Variants in VSTM5 observed in about 807,000 individuals in gnomAD.
VSTM5 encodes the protein V-set and transmembrane domain-containing protein 5.
A neutral mutation model predicts 20.3 loss-of-function variants in VSTM5; 21 were observed. The ratio of observed to expected loss-of-function variants is 1.03; its 90% CI spans 0.73 to 1.49. The LOEUF is 1.49. VSTM5 is among the 40% of genes most tolerant of loss of function. The pLI is 0.00. For synonymous variants in VSTM5, 100 were observed against 102.5 expected, an observed-to-expected ratio of 0.98 and a Z score of 0.14; for missense variants, 219 against 250.0, an observed-to-expected ratio of 0.88 and a Z score of 0.84.
intron 3 of VSTM5, 65 bp from the exon 4 acceptor site, chr11:93,820,677 A>G: frequency 6.4e-7 from 1 of 1,551,668 alleles, no homozygotes; most frequent in Admixed American, 2.0e-5. Context: ...TCGTGAGAAC[A>G]AGATAACACA....
intron 1 of VSTM5, among the ~76,000 whole-genome samples, chr11:93,831,876 G>C (rs969305716): frequency 2.0e-5 from 3 of 152,222 alleles, no homozygotes; most frequent in African/African-American, 7.2e-5. Flanking sequence ...TATCAGACTG[G>C]CAAAGATGAA....
intron 1 of VSTM5, among the ~76,000 whole-genome samples, chr11:93,846,940 T>C: frequency 6.6e-6 from 1 of 151,868 alleles, no homozygotes; most frequent in East Asian, 1.9e-4. Flanking sequence ...CTAATTTTTG[T>C]ATTTTTAGTA....
chr11:93,820,431 ATGT>A lies in VSTM5; in HGVS notation c.*135_*137del. On this transcript the variant is annotated 3_prime_UTR_variant, in exon 4 of 4. Coordinates refer to ENST00000409977, the MANE Select transcript of VSTM5 (RefSeq NM_001144871.2). ...CACAGTCCTCAACTCCATGCAGTCA[ATGT>A]TGTTAATCTCCCACTGTCCTGTTAG... 4.6e-6 allele frequency: 4 copies of A among 860,750 alleles called. No individual in the cohort carries two copies. Among genetic ancestry groups the A allele is most frequent in the Non-Finnish European group, 7.3e-6 (4 of 546,452 alleles). 53.3% of individuals were successfully genotyped at this position (860,750 alleles called of 1,614,324 possible).
At chr11:93,840,447 T>G (rs1236214208) in intron 1 of VSTM5, among the ~76,000 whole-genome samples, 1 of 152,194 alleles carries the variant, frequency 6.6e-6, no homozygotes, top group South Asian at 2.1e-4. Context: ...GACCATTTAT[T>G]AGAATTCCTT....
intron 1 of VSTM5, among the ~76,000 whole-genome samples, chr11:93,843,033 G>A (rs1944383138): frequency 6.6e-6 from 1 of 151,914 alleles, no homozygotes; most frequent in African/African-American, 2.4e-5. Flanking sequence ...GGAGGTTGCA[G>A]TCAGCTGAGA....
intron 1 of VSTM5, among the ~76,000 whole-genome samples, chr11:93,834,342 T>C (rs1005011874): frequency 6.6e-6 from 1 of 152,214 alleles, no homozygotes; most frequent in African/African-American, 2.4e-5. Context: ...TGACACTTCC[T>C]TCTGATTTGG....
intron 1 of VSTM5, among the ~76,000 whole-genome samples, chr11:93,841,888 T>C (rs1944373185): frequency 6.6e-6 from 1 of 152,190 alleles, no homozygotes; most frequent in South Asian, 2.1e-4. Flanking sequence ...ATTGAGGCAG[T>C]GTGTGTAGAA....
chr11:93,844,060 A>G (rs1201249844), intron 1 of VSTM5, among the ~76,000 whole-genome samples: 1 of 152,184 alleles, frequency 6.6e-6, no homozygotes, highest in Non-Finnish European at 1.5e-5. Context: ...CCCTGTTAGA[A>G]AGTGTGGCAG....
At chr11:93,829,606 C>T (rs1018123016) in intron 1 of VSTM5, among the ~76,000 whole-genome samples, 2 of 152,134 alleles carry the variant, frequency 1.3e-5, no homozygotes, top group Non-Finnish European at 2.9e-5. Flanking sequence ...CCGAGGTGTT[C>T]AAAGGGGCTC....
Position 93,830,229 on chromosome 11 carries a change from G to A in VSTM5, c.92-8906C>T, listed in dbSNP as rs550477595. Among the ~76,000 whole-genome samples, 4 of 152,308 alleles carry A rather than the reference G, an allele frequency of 2.6e-5. No homozygotes were observed. The South Asian group carries it at 8.3e-4, about 32-fold the overall frequency. On this transcript the variant is annotated intron_variant, in intron 1 of 3. Coordinates refer to ENST00000409977, the MANE Select transcript of VSTM5 (RefSeq NM_001144871.2). ...ATGACATGATCTGAACTGGGCTTCT[G>A]GAAGGACGGTCTGGCAGAATTCATA...
chr11:93,834,626 T>C, intron 1 of VSTM5, among the ~76,000 whole-genome samples: 1 of 151,358 alleles, frequency 6.6e-6, no homozygotes, highest in East Asian at 1.9e-4. Context: ...TACAAAAAAA[T>C]ACAAAAATTA....
At chr11:93,826,047 T>G (rs1944231993) in intron 1 of VSTM5, among the ~76,000 whole-genome samples, 1 of 151,924 alleles carries the variant, frequency 6.6e-6, no homozygotes, top group Admixed American at 6.6e-5. Flanking sequence ...AAGACCAGCC[T>G]GGGTATAATT....
chr11:93,822,231 G>A (rs952410907), intron 1 of VSTM5, among the ~76,000 whole-genome samples: 10 of 151,848 alleles, frequency 6.6e-5, no homozygotes, highest in South Asian at 4.2e-4. Context: ...ACAGGTGCCC[G>A]CCACCACACC....
intron 1 of VSTM5, among the ~76,000 whole-genome samples, chr11:93,836,285 C>A (rs78097741): frequency 6.6e-6 from 1 of 152,190 alleles, no homozygotes; most frequent in African/African-American, 2.4e-5. Context: ...ACACAGCATC[C>A]TGAGTGATAT....
intron 1 of VSTM5, among the ~76,000 whole-genome samples, chr11:93,837,485 T>A (rs1944333366): frequency 6.6e-6 from 1 of 151,884 alleles, no homozygotes; most frequent in Non-Finnish European, 1.5e-5. Context: ...TCCCAGGAAA[T>A]GTACCAGGGA....
At chr11:93,821,490 G>C in intron 1 of VSTM5, 167 bp from the exon 2 acceptor site, 4 of 662,088 alleles carry the variant, frequency 6.0e-6, no homozygotes, top group South Asian at 2.0e-5. Context: ...AAGACACAAG[G>C]CTCCCTGGAG....
intron 1 of VSTM5, among the ~76,000 whole-genome samples, chr11:93,837,839 A>T (rs1944336310): frequency 6.6e-6 from 1 of 152,188 alleles, no homozygotes; most frequent in Non-Finnish European, 1.5e-5. Flanking sequence ...AAACACACCC[A>T]TAAAAAAAGG....
At chr11:93,833,397 G>A (rs34298528) in intron 1 of VSTM5, among the ~76,000 whole-genome samples, 6,281 of 152,102 alleles carry the variant, frequency 0.041, 411 homozygotes, top group African/African-American at 0.14. Flanking sequence ...TAGACAACAT[G>A]GCGAAACCCC....
chr11:93,846,841 A>G (rs1944415917), intron 1 of VSTM5, among the ~76,000 whole-genome samples: 1 of 147,274 alleles, frequency 6.8e-6, no homozygotes, highest in Non-Finnish European at 1.5e-5. Flanking sequence ...ATCTCGGCTC[A>G]CTGCAACCTC....
Sources: gnomAD v4.1 joint callset for allele counts (sites outside exome capture counted in the v4.1 genomes callset) on GRCh38, gnomAD v4.1.1 for gene constraint, MANE v1.5 for transcripts, NCBI Gene and HGNC (gene_info 2026-07-23, HGNC 2026-07-21) for gene names.